The following FOXP1 variants were observed in gnomAD, a reference collection of about 807,000 sequenced individuals.
The protein encoded by FOXP1 is forkhead box protein P1.
In FOXP1, 15 loss-of-function variants were observed where a neutral mutation model predicts 98.2. The ratio of observed to expected loss-of-function variants is 0.15; its 90% CI spans 0.10 to 0.24. The LOEUF is 0.24. FOXP1 is among the 10% of genes least tolerant of loss of function. FOXP1 has a pLI of 1.00. For missense variants in FOXP1, 633 were observed against 848.5 expected (o/e 0.75, Z 3.15); for synonymous variants, 371 against 314.5 (o/e 1.18, Z -1.90).
intron 18 of FOXP1, 89 bp from the exon 19 acceptor site, chr3:70,970,894 T>G: frequency 9.9e-7 from 1 of 1,008,388 alleles, no homozygotes; most frequent in Non-Finnish European, 1.6e-6. Flanking sequence ...GCTGGTGCCC[T>G]TCCAAATGAG....
chr3:71,383,955 C>G (rs761581382), intron 3 of FOXP1, among the ~76,000 whole-genome samples: 1 of 152,140 alleles, frequency 6.6e-6, no homozygotes, highest in African/African-American at 2.4e-5. Context: ...CGGTGGCTCA[C>G]GCCTGTAATC....
chr3:71,020,596 T>A (rs2045283345), intron 11 of FOXP1, among the ~76,000 whole-genome samples: 1 of 152,190 alleles, frequency 6.6e-6, no homozygotes, highest in Non-Finnish European at 1.5e-5. Flanking sequence ...TAAGCTAATT[T>A]CCCCTGTGGT....
chr3:71,325,328 C>A (rs555862423), intron 4 of FOXP1, among the ~76,000 whole-genome samples: 1 of 152,184 alleles, frequency 6.6e-6, no homozygotes, highest in Admixed American at 6.5e-5. Context: ...GCTGGGATTA[C>A]AGGCGTGAGC....
At chr3:70,974,969 A>C (rs1428739919) in intron 17 of FOXP1, among the ~76,000 whole-genome samples, 2 of 151,972 alleles carry the variant, frequency 1.3e-5, no homozygotes, top group South Asian at 2.1e-4. Context: ...AAGAGTTTTC[A>C]AAAAAAAGAT....
intron 3 of FOXP1, among the ~76,000 whole-genome samples, chr3:71,407,039 T>G (rs2108250799): frequency 6.6e-6 from 1 of 152,232 alleles, no homozygotes; most frequent in African/African-American, 2.4e-5. Flanking sequence ...AGGAAAGAGA[T>G]AACCCGGGCT....
intron 11 of FOXP1, among the ~76,000 whole-genome samples, chr3:71,029,744 T>C (rs547231113): frequency 2.0e-5 from 3 of 152,262 alleles, no homozygotes; most frequent in African/African-American, 4.8e-5. Flanking sequence ...TCTATCACCA[T>C]AGTTATTAAT....
intron 6 of FOXP1, chr3:71,130,572 G>A (rs776146956): frequency 3.1e-6 from 5 of 1,598,314 alleles, no homozygotes; most frequent in African/African-American, 1.3e-5. Context: ...CTGTAGATGG[G>A]TTCTGGCTGT....
chr3:71,235,693 A>G (rs1283732507), intron 5 of FOXP1, among the ~76,000 whole-genome samples: 1 of 152,016 alleles, frequency 6.6e-6, no homozygotes, highest in Non-Finnish European at 1.5e-5. Flanking sequence ...CAGCCTCCTA[A>G]GTAGTTGGGA....
chr3:71,413,255 A>G (rs1299655846), intron 3 of FOXP1, among the ~76,000 whole-genome samples: 2 of 20,780 alleles, frequency 9.6e-5, no homozygotes, highest in African/African-American at 3.3e-4. Context: ...ACATCCCCCA[A>G]ATAGACACAC....
chr3:71,323,088 A>T (rs1489004569), intron 4 of FOXP1, among the ~76,000 whole-genome samples: 3 of 151,652 alleles, frequency 2.0e-5, no homozygotes, highest in African/African-American at 7.3e-5. Context: ...CTCTTGCCTC[A>T]GCCTCCTGAG....
At chr3:71,009,982 T>C (rs954508607) in intron 12 of FOXP1, among the ~76,000 whole-genome samples, 1 of 151,124 alleles carries the variant, frequency 6.6e-6, no homozygotes, top group South Asian at 2.1e-4. Context: ...TCTCAAACTC[T>C]TGGCCTCAAG....
At chr3:71,573,222 C>G (rs1356178279) in intron 2 of FOXP1, among the ~76,000 whole-genome samples, 2 of 152,170 alleles carry the variant, frequency 1.3e-5, no homozygotes, top group Non-Finnish European at 2.9e-5. Flanking sequence ...CTCTAAGTAT[C>G]TTTTTGAGTT....
In FOXP1 at chr3:71,083,009, G is replaced by C. The variant is rs531298302; in HGVS notation, c.283-29236C>G. Among the ~76,000 whole-genome samples the C allele has an allele frequency of 6.6e-5, 10 of 152,300 alleles. No individual in the cohort carries two copies. The East Asian group carries it at 1.9e-3, about 29-fold the overall frequency. ...CTCCTTATCTATTCTGGATCTACGT[G>C]GTTTTAAGGGAGCCAACATCATCCG... On this transcript the variant is annotated intron_variant, in intron 7 of 20. Coordinates refer to ENST00000649528, the MANE Select transcript of FOXP1 (RefSeq NM_001349338.3).
Position 71,289,833 on chromosome 3 carries a change from G to T in FOXP1, c.-12+9987C>A, listed in dbSNP as rs112874490. 252 of 151,946 alleles carry T rather than the reference G, an allele frequency of 1.7e-3. 1 individual carries two copies. Among genetic ancestry groups the T allele is most frequent in the African/African-American group, 5.8e-3 (239 of 41,436 alleles). The allele number at this position is 151,946 out of a possible 1,614,324, so 9.4% of individuals were successfully genotyped here. ...CCAGCTAATTTTTGTTTTTTTTAATGTAGAGATAAGAGTCTCACTATGTTG... is the reference window on the plus strand; with the variant it reads ...CCAGCTAATTTTTGTTTTTTTTAATTTAGAGATAAGAGTCTCACTATGTTG... On this transcript the variant is annotated intron_variant, in intron 5 of 20. Coordinates refer to ENST00000649528, the MANE Select transcript of FOXP1 (RefSeq NM_001349338.3).
intron 13 of FOXP1, among the ~76,000 whole-genome samples, chr3:71,000,585 T>C (rs1447434220): frequency 1.3e-5 from 2 of 151,780 alleles, no homozygotes; most frequent in East Asian, 3.9e-4. Flanking sequence ...TCCAGTTTAA[T>C]CATATGAGCA....
chr3:71,554,117 A>T (rs1463056204), intron 2 of FOXP1, among the ~76,000 whole-genome samples: 3 of 152,278 alleles, frequency 2.0e-5, no homozygotes, highest in Middle Eastern at 3.4e-3. Context: ...GGAGTCTCAG[A>T]CAGGAAGATT....
chr3:70,977,014 A>C lies in FOXP1; in HGVS notation c.1457T>G (p.Leu486Arg). The C allele has an allele frequency of 6.2e-7, 1 of 1,614,084 alleles. No individual in the cohort carries two copies. Among genetic ancestry groups the C allele is most frequent in the Non-Finnish European group, 8.5e-7 (1 of 1,179,892 alleles). ...CCAGTTATAGATCTCATTTAGTGTTAGCTGCTTTTCTGGAGATTCGAGAAT... is the reference window on the plus strand; with the variant it reads ...CCAGTTATAGATCTCATTTAGTGTTCGCTGCTTTTCTGGAGATTCGAGAAT... Reference protein sequence around the residue: ...QAILESPEKQLTLNEIYNWFT... With the variant: ...QAILESPEKQRTLNEIYNWFT... The change falls in exon 17 of 21, where the codon CTA (leucine) becomes CGA (arginine). Residue 486 changes from leucine to arginine, a missense_variant. Around this residue, in one of 6 missense-constraint regions of FOXP1, gnomAD observed 141 missense variants for 199.5 expected, o/e 0.71. Coordinates refer to ENST00000649528, the MANE Select transcript of FOXP1 (RefSeq NM_001349338.3).
At chr3:71,011,665 A>G (rs1167578115) in intron 12 of FOXP1, among the ~76,000 whole-genome samples, 1 of 152,162 alleles carries the variant, frequency 6.6e-6, no homozygotes, top group African/African-American at 2.4e-5. Context: ...TAACTTACAA[A>G]CAAAAGTCGT....
At chr3:71,205,080 G>A (rs572776303) in intron 5 of FOXP1, among the ~76,000 whole-genome samples, 1 of 152,298 alleles carries the variant, frequency 6.6e-6, no homozygotes, top group South Asian at 2.1e-4. Context: ...GAGCCGGAGG[G>A]CTATTTTAAT....
Sources: allele counts gnomAD v4.1 joint callset (sites outside exome capture counted in the v4.1 genomes callset), GRCh38; gene constraint gnomAD v4.1.1; regional missense constraint gnomAD v4.1.1; transcripts MANE v1.5; gene names NCBI Gene and HGNC (gene_info 2026-07-23, HGNC 2026-07-21).